Variants in MGLL observed in about 807,000 individuals in gnomAD.
MGLL encodes the protein monoglyceride lipase, also known as lysophospholipase homolog.
MGLL carries 7 observed loss-of-function variants against 29.1 expected under a neutral mutation model. That is an observed-to-expected ratio of 0.24 (90% confidence interval 0.14 to 0.45). The LOEUF is 0.45. Ranked by LOEUF, MGLL falls within the 20% of genes least tolerant of loss-of-function variation. MGLL has a pLI of 0.99. For synonymous variants in MGLL, 148 were observed against 168.3 expected (o/e 0.88, Z 0.93); for missense variants, 356 against 413.6 (o/e 0.86, Z 1.21).
intron 3 of MGLL, among the ~76,000 whole-genome samples, chr3:127,765,409 G>A (rs1350558146): frequency 2.6e-5 from 4 of 152,204 alleles, no homozygotes; most frequent in African/African-American, 9.7e-5. Flanking sequence ...AAATTATCAG[G>A]CCGCTGGGCA....
chr3:127,729,529 C>G (rs182827620), intron 3 of MGLL, among the ~76,000 whole-genome samples: 1 of 151,988 alleles, frequency 6.6e-6, no homozygotes, highest in Non-Finnish European at 1.5e-5. Flanking sequence ...TAAAGTGTAC[C>G]GATTTAGTGG....
chr3:127,718,613 C>T (rs752901895), intron 5 of MGLL, among the ~76,000 whole-genome samples: 1 of 152,070 alleles, frequency 6.6e-6, no homozygotes, highest in Admixed American at 6.5e-5. Flanking sequence ...ACAAACACAC[C>T]AACCAAAACA....
In MGLL at chr3:127,814,750, T is replaced by C. The variant is rs141300831; in HGVS notation, c.155+6944A>G. 9.3e-3 allele frequency among the ~76,000 whole-genome samples: 1,413 copies of C among 152,352 alleles called. 14 individuals carry two copies. The highest frequency in any genetic ancestry group is 0.016 in the Non-Finnish European group (1,073 of 68,034). On this transcript the variant is annotated intron_variant, in intron 2 of 7. Coordinates refer to ENST00000265052, the MANE Select transcript of MGLL (RefSeq NM_007283.7). ...CAAGAATAGCAGCTGGCCTTGCCTCTTGCCATCAAAAGATCTTTGCTATTT... is the reference window on the plus strand; with the variant it reads ...CAAGAATAGCAGCTGGCCTTGCCTCCTGCCATCAAAAGATCTTTGCTATTT...
intron 3 of MGLL, among the ~76,000 whole-genome samples, chr3:127,770,109 A>G (rs2076924830): frequency 6.6e-6 from 1 of 152,002 alleles, no homozygotes; most frequent in African/African-American, 2.4e-5. Context: ...TAAATCCTCA[A>G]TCTCCTGGGC....
chr3:127,729,338 T>C (rs1045906834), intron 3 of MGLL, among the ~76,000 whole-genome samples: 2 of 152,230 alleles, frequency 1.3e-5, no homozygotes, highest in African/African-American at 4.8e-5. Flanking sequence ...TTAGTGGTAT[T>C]AAATACATTC....
chr3:127,812,869 G>T (rs2077688541), intron 2 of MGLL, among the ~76,000 whole-genome samples: 1 of 152,050 alleles, frequency 6.6e-6, no homozygotes, highest in Non-Finnish European at 1.5e-5. Flanking sequence ...GTTGATCGGG[G>T]TGTGGTCCTG....
At chr3:127,819,898 T>C (rs1293747638) in intron 2 of MGLL, among the ~76,000 whole-genome samples, 4 of 151,342 alleles carry the variant, frequency 2.6e-5, no homozygotes, top group African/African-American at 9.7e-5. Context: ...TTAACATGAG[T>C]CATGGCAAGG....
intron 6 of MGLL, among the ~76,000 whole-genome samples, chr3:127,697,555 T>TC (rs1446759558): frequency 5.9e-5 from 9 of 152,190 alleles, no homozygotes; most frequent in African/African-American, 2.2e-4. Flanking sequence ...CCTTGATGTT[T>TC]CCTTCGGTAC....
At chr3:127,816,285 G>A (rs1323904667) in intron 2 of MGLL, among the ~76,000 whole-genome samples, 1 of 152,180 alleles carries the variant, frequency 6.6e-6, no homozygotes, top group African/African-American at 2.4e-5. Flanking sequence ...CCTGCAGAAG[G>A]TTTCCTGGAA....
chr3:127,822,188 GCTGCAAGAAGACCCATCTATCTTAAAAT>G lies in MGLL; in HGVS notation c.10+93_10+120del, dbSNP rs1320062384. The G allele has an allele frequency of 4.4e-6, 5 of 1,136,142 alleles. No individual in the cohort carries two copies. The African/African-American group carries it at 7.6e-5, about 17-fold the overall frequency. 70.4% of individuals were successfully genotyped at this position (1,136,142 alleles called of 1,614,324 possible). ...TCAGCTCTATGGGTACAAAGACCCA[GCTGCAAGAAGACCCATCTATCTTAAAAT>G]CTCCAAGGAACAGTTTCAAGTGGGC... On this transcript the variant is annotated intron_variant, in intron 1 of 7. Transcript: ENST00000265052.
At chr3:127,822,540 G>T (rs1035041124), upstream of MGLL, 2 of 593,060 alleles carry the variant, frequency 3.4e-6, no homozygotes, top group Non-Finnish European at 6.0e-6. Flanking sequence ...TCCCCAGGGC[G>T]GGGAGCGGCG....
Position 127,754,077 on chromosome 3 carries a change from T to C in MGLL, c.262+27712A>G, listed in dbSNP as rs369287207. On this transcript the variant is annotated intron_variant, in intron 3 of 7. Coordinates refer to ENST00000265052, the MANE Select transcript of MGLL (RefSeq NM_007283.7). ...TTCTGTTTTGGTCACTTTTGGGTGG[T>C]GGCCCGCTGGGGCCTGATGCTGCAC... 1.4e-3 allele frequency among the ~76,000 whole-genome samples: 213 copies of C among 152,336 alleles called. 3 individuals carry two copies. Among genetic ancestry groups the C allele is most frequent in the Middle Eastern group, 3.4e-3 (1 of 294 alleles).
At chr3:127,803,002 C>T (rs1214172672) in intron 2 of MGLL, among the ~76,000 whole-genome samples, 1 of 150,688 alleles carries the variant, frequency 6.6e-6, no homozygotes, top group Non-Finnish European at 1.5e-5. Flanking sequence ...TTTTTTTAGA[C>T]AGAGTCTTGC....
Position 127,724,353 on chromosome 3 carries a change from G to A in MGLL, c.263-1787C>T, listed in dbSNP as rs80256597. ...TCTGGCTTATTTAATGTAGCACAGT[G>A]TCTTCAAGGTGCATCCATGTAGTCG... On this transcript the variant is annotated intron_variant, in intron 3 of 7. Transcript: ENST00000265052. 2.0e-3 allele frequency among the ~76,000 whole-genome samples: 298 copies of A among 152,312 alleles called. 1 individual carries two copies. The highest frequency in any genetic ancestry group is 6.7e-3 in the African/African-American group (277 of 41,550).
intron 2 of MGLL, among the ~76,000 whole-genome samples, chr3:127,820,195 G>A (rs1377083368): frequency 1.3e-5 from 2 of 152,154 alleles, no homozygotes; most frequent in Non-Finnish European, 2.9e-5. Context: ...CAAGGCGGAC[G>A]CTGACATCCA....
intron 3 of MGLL, among the ~76,000 whole-genome samples, chr3:127,756,689 C>T (rs185194418): frequency 1.1e-4 from 17 of 152,340 alleles, no homozygotes; most frequent in Admixed American, 1.1e-3. Flanking sequence ...TATCTCCAGA[C>T]TTCTTTTCAG....
intron 6 of MGLL, among the ~76,000 whole-genome samples, chr3:127,707,587 A>G (rs576129614): frequency 1.1e-4 from 16 of 152,362 alleles, no homozygotes; most frequent in African/African-American, 3.8e-4. Flanking sequence ...GGCCCGGAGT[A>G]GCTGTGTTCT....
Position 127,796,359 on chromosome 3 carries a change from A to G in MGLL, c.156-14464T>C, listed in dbSNP as rs538686863. On this transcript the variant is annotated intron_variant, in intron 2 of 7. Coordinates refer to ENST00000265052, the MANE Select transcript of MGLL (RefSeq NM_007283.7). ...AGAAGCTTCAATTCACAATTTCCCT[A>G]CAGGACTATGTCACCACTACTTAGA... Among the ~76,000 whole-genome samples the G allele has an allele frequency of 2.6e-5, 4 of 152,306 alleles. No individual in the cohort carries two copies. The South Asian group carries it at 6.2e-4, about 24-fold the overall frequency.
In MGLL at chr3:127,795,029, T is replaced by C. The variant is rs568611048; in HGVS notation, c.156-13134A>G. Among the ~76,000 whole-genome samples the C allele has an allele frequency of 2.6e-4, 39 of 152,348 alleles. 1 individual carries two copies. The highest frequency in any genetic ancestry group is 5.3e-4 in the Non-Finnish European group (36 of 68,040). On this transcript the variant is annotated intron_variant, in intron 2 of 7. Coordinates refer to ENST00000265052, the MANE Select transcript of MGLL (RefSeq NM_007283.7). ...CTCAGCAATCCCATTACTGGGTATATACCCAAAGGAAAATACATCATTCTA... is the reference window on the plus strand; with the variant it reads ...CTCAGCAATCCCATTACTGGGTATACACCCAAAGGAAAATACATCATTCTA...
Sources: allele counts gnomAD v4.1 joint callset (sites outside exome capture counted in the v4.1 genomes callset), GRCh38; gene constraint gnomAD v4.1.1; transcripts MANE v1.5; gene names NCBI Gene and HGNC (gene_info 2026-07-23, HGNC 2026-07-21).